The following INPP4B variants were observed in gnomAD, a reference collection of about 807,000 sequenced individuals.
INPP4B encodes the protein inositol polyphosphate 4-phosphatase type II.
In INPP4B, 55 loss-of-function variants were observed where a neutral mutation model predicts 122.5. That is an observed-to-expected ratio of 0.45 (90% CI 0.36 to 0.56). The LOEUF (loss-of-function observed/expected upper bound fraction) is 0.56. Among genes scored for constraint, INPP4B ranks in the 20% least tolerant of loss-of-function variants. INPP4B has a pLI of 0.00. For synonymous variants in INPP4B, 403 were observed against 388.7 expected, an observed-to-expected ratio of 1.04 and a Z score of -0.43; for missense variants, 1,000 against 1,097.7, an observed-to-expected ratio of 0.91 and a Z score of 1.26.
intron 15 of INPP4B, among the ~76,000 whole-genome samples, chr4:142,188,984 G>A (rs951146583): frequency 2.0e-5 from 3 of 152,078 alleles, no homozygotes; most frequent in South Asian, 2.1e-4. Flanking sequence ...CTGGTTTATC[G>A]GATGTCTACT....
intron 3 of INPP4B, among the ~76,000 whole-genome samples, chr4:142,441,547 A>G (rs748255254): frequency 2.8e-4 from 42 of 152,140 alleles, no homozygotes; most frequent in Non-Finnish European, 4.7e-4. Flanking sequence ...AAGTCTAGAG[A>G]AGTATCTTTG....
At chr4:142,193,322 T>C in intron 14 of INPP4B, 127 bp from the exon 15 acceptor site, 1 of 599,382 alleles carries the variant, frequency 1.7e-6, no homozygotes, top group Admixed American at 2.8e-5. Flanking sequence ...TAGGAATAAC[T>C]ATGAACTCAC....
At chr4:142,407,991 T>C (rs1264228001) in intron 5 of INPP4B, among the ~76,000 whole-genome samples, 1 of 152,230 alleles carries the variant, frequency 6.6e-6, no homozygotes, top group Non-Finnish European at 1.5e-5. Context: ...TTTTATTGAC[T>C]CAGTCATACT....
chr4:142,534,103 A>C (rs1353099829), intron 2 of INPP4B, among the ~76,000 whole-genome samples: 1 of 152,130 alleles, frequency 6.6e-6, no homozygotes, highest in African/African-American at 2.4e-5. Flanking sequence ...CCCATTGTGG[A>C]TATGTATCTT....
intron 2 of INPP4B, among the ~76,000 whole-genome samples, chr4:142,629,524 G>T (rs1042371504): frequency 3.9e-5 from 6 of 152,064 alleles, no homozygotes; most frequent in African/African-American, 1.4e-4. Context: ...GTATGTGTGT[G>T]TGTTTGAGGG....
chr4:142,315,289 C>G (rs952156546), intron 7 of INPP4B, among the ~76,000 whole-genome samples: 2 of 152,076 alleles, frequency 1.3e-5, no homozygotes, highest in African/African-American at 4.8e-5. Context: ...CACACTCATG[C>G]TTCTTATAGG....
chr4:142,269,500 G>A (rs1744703512), intron 10 of INPP4B, among the ~76,000 whole-genome samples: 1 of 152,070 alleles, frequency 6.6e-6, no homozygotes, highest in South Asian at 2.1e-4. Flanking sequence ...TGCATTTGTG[G>A]AATCTAAAAG....
chr4:142,602,147 A>G (rs1740147000), intron 2 of INPP4B, among the ~76,000 whole-genome samples: 1 of 152,212 alleles, frequency 6.6e-6, no homozygotes, highest in South Asian at 2.1e-4. Flanking sequence ...GGATAAAAAA[A>G]TCAATGTGCA....
chr4:142,707,168 A>G (rs1288996839), intron 2 of INPP4B, among the ~76,000 whole-genome samples: 3 of 152,100 alleles, frequency 2.0e-5, no homozygotes, highest in African/African-American at 4.8e-5. Context: ...ACACTCTCTT[A>G]CTCTCAGCAG....
chr4:142,704,622 C>T (rs931298444), intron 2 of INPP4B, among the ~76,000 whole-genome samples: 11 of 152,182 alleles, frequency 7.2e-5, no homozygotes, highest in African/African-American at 2.2e-4. Context: ...ATGCTCTGTA[C>T]GATATCCTTC....
intron 7 of INPP4B, among the ~76,000 whole-genome samples, chr4:142,343,511 A>C (rs2151721203): frequency 6.6e-6 from 1 of 152,014 alleles, no homozygotes; most frequent in African/African-American, 2.4e-5. Flanking sequence ...AGAGTTTCTA[A>C]TAAATCAAAC....
At chr4:142,666,892 G>A (rs921871023) in intron 2 of INPP4B, among the ~76,000 whole-genome samples, 5 of 152,078 alleles carry the variant, frequency 3.3e-5, no homozygotes, top group African/African-American at 7.2e-5. Flanking sequence ...TTTTTCATGC[G>A]TTCTGTCAGA....
chr4:142,569,499 A>G (rs548551603), intron 2 of INPP4B, among the ~76,000 whole-genome samples: 5 of 152,248 alleles, frequency 3.3e-5, no homozygotes, highest in Admixed American at 3.3e-4. Context: ...CTCTGTTATC[A>G]TGACTACTTT....
intron 12 of INPP4B, among the ~76,000 whole-genome samples, chr4:142,233,411 G>T (rs1398166417): frequency 6.6e-6 from 1 of 152,098 alleles, no homozygotes. Context: ...GTAACATAAA[G>T]TTTCTCAGGC....
intron 21 of INPP4B, among the ~76,000 whole-genome samples, chr4:142,119,722 C>T (rs1481907195): frequency 1.3e-5 from 2 of 151,528 alleles, no homozygotes; most frequent in East Asian, 3.9e-4. Flanking sequence ...GTGCGGCACA[C>T]CAACATGGCA....
Position 142,795,228 on chromosome 4 carries a change from G to T in INPP4B, c.-254+50981C>A, listed in dbSNP as rs953459252. ...TTTAAATGCATGAAAAACCAAAAAA[G>T]ATATTCTTTAGGATAAAGAAATACA... On this transcript the variant is annotated intron_variant, in intron 1 of 25. Transcript: ENST00000262992. 3.3e-5 allele frequency: 5 copies of T among 151,966 alleles called. No homozygotes were observed. In the East Asian group the frequency reaches 7.8e-4, roughly 24 times the overall value. 9.4% of individuals were successfully genotyped at this position (151,966 alleles called of 1,614,324 possible).
At chr4:142,811,372 C>T (rs903231867) in intron 1 of INPP4B, among the ~76,000 whole-genome samples, 2 of 152,178 alleles carry the variant, frequency 1.3e-5, no homozygotes, top group African/African-American at 4.8e-5. Flanking sequence ...AAGGGAATTG[C>T]TGACATCCAG....
At chr4:142,633,866 T>C (rs1289508729) in intron 2 of INPP4B, among the ~76,000 whole-genome samples, 1 of 151,340 alleles carries the variant, frequency 6.6e-6, no homozygotes, top group African/African-American at 2.4e-5. Flanking sequence ...AGATAAAAGG[T>C]AGATATTAAA....
intron 15 of INPP4B, among the ~76,000 whole-genome samples, chr4:142,188,170 G>T (rs1687457573): frequency 6.6e-6 from 1 of 151,868 alleles, no homozygotes; most frequent in African/African-American, 2.4e-5. Flanking sequence ...TATCAATAAA[G>T]GATCAAAGTA....
Sources: allele counts gnomAD v4.1 joint callset (sites outside exome capture counted in the v4.1 genomes callset), GRCh38; gene constraint gnomAD v4.1.1; transcripts MANE v1.5; gene names NCBI Gene and HGNC (gene_info 2026-07-23, HGNC 2026-07-21).